ADGRV1: variants seen among roughly 807,000 people sequenced by gnomAD.
ADGRV1 encodes adhesion G protein-coupled receptor V1, also known as G-protein coupled receptor 98.
A neutral mutation model predicts 596.2 loss-of-function variants in ADGRV1; 359 were observed. The observed-to-expected ratio is 0.60, with a 90% CI of 0.55 to 0.66. The LOEUF is 0.66. Among genes scored for constraint, ADGRV1 ranks in the 30% least tolerant of loss-of-function variants. The pLI, the probability that ADGRV1 is intolerant of heterozygous loss-of-function variation, is 0.00. For synonymous variants in ADGRV1, 2,681 were observed against 2,679.2 expected (o/e 1.00, Z -0.02); for missense variants, 7,274 against 7,575.6 (o/e 0.96, Z 1.48).
intron 87 of ADGRV1, among the ~76,000 whole-genome samples, chr5:91,128,849 T>C (rs1793977276): frequency 6.6e-6 from 1 of 152,140 alleles, no homozygotes; most frequent in Non-Finnish European, 1.5e-5. Context: ...CACTGGGAAA[T>C]AAATGCTCTT....
At chr5:90,795,598 A>G (rs1760609443) in intron 70 of ADGRV1, among the ~76,000 whole-genome samples, 1 of 152,200 alleles carries the variant, frequency 6.6e-6, no homozygotes, top group Non-Finnish European at 1.5e-5. Context: ...TCCCTGCCTG[A>G]CGGCTCTGAA....
chr5:91,117,429 A>G (rs1249683784), intron 87 of ADGRV1, among the ~76,000 whole-genome samples: 1 of 152,164 alleles, frequency 6.6e-6, no homozygotes, highest in East Asian at 1.9e-4. Flanking sequence ...AGTGTTTATT[A>G]TGTGGAATTG....
chr5:90,636,880 A>G (rs6879160), intron 10 of ADGRV1, among the ~76,000 whole-genome samples: 1 of 152,122 alleles, frequency 6.6e-6, no homozygotes, highest in African/African-American at 2.4e-5. Context: ...GAATAGTGTA[A>G]TCTAGCATTA....
Position 90,690,947 on chromosome 5 carries a change from G to C in ADGRV1, c.6857G>C (p.Arg2286Pro). 1 of 1,613,836 alleles carries C rather than the reference G, an allele frequency of 6.2e-7. No homozygotes were observed. The highest frequency in any genetic ancestry group is 1.3e-5 in the African/African-American group (1 of 75,024). The stretch of plus-strand genomic sequence containing the variant: ...GGACAGCTTGCTACTGGCGACCTGC[G>C]AGTTGTCTCAGGTAATGTGACCTTT... The part of the protein sequence containing the change: ...INGQLATGDL[R>P]VVSGNVTFAP... Residue 2286 changes from arginine to proline, a missense_variant, in exon 31 of 90, where the codon CGA becomes CCA. Around this residue, in one of 5 missense-constraint regions of ADGRV1, gnomAD observed 3,643 missense variants for 3,809.2 expected, o/e 0.96. Coordinates refer to ENST00000405460, the MANE Select transcript of ADGRV1 (RefSeq NM_032119.4).
intron 42 of ADGRV1, among the ~76,000 whole-genome samples, chr5:90,714,099 A>G (rs1749759657): frequency 1.3e-5 from 2 of 152,168 alleles, no homozygotes; most frequent in Non-Finnish European, 2.9e-5. Context: ...CTTCTTTGTT[A>G]GTTACATTTC....
chr5:90,912,893 T>A (rs1018458066), intron 83 of ADGRV1, among the ~76,000 whole-genome samples: 8 of 152,202 alleles, frequency 5.3e-5, no homozygotes, highest in African/African-American at 1.9e-4. Context: ...TCAAAGTTAA[T>A]TAAGTCCACT....
chr5:90,915,566 AAATT>A lies in ADGRV1; in HGVS notation c.17857-49846_17857-49843del, dbSNP rs150403569. Among the ~76,000 whole-genome samples, 1,309 of 152,278 alleles carry A rather than the reference AAATT, an allele frequency of 8.6e-3. 19 individuals carry two copies. The highest frequency in any genetic ancestry group is 0.03 in the African/African-American group (1,250 of 41,574). On this transcript the variant is annotated intron_variant, in intron 83 of 89. Coordinates refer to ENST00000405460, the MANE Select transcript of ADGRV1 (RefSeq NM_032119.4). ...TTAGAAAGGCAAAAGGAGTCTGCAA[AAATT>A]AACGCTGATTGTGAGATTGGTGGAA...
chr5:90,810,412 C>CTT lies in ADGRV1; in HGVS notation c.15152_15153insTT (p.Leu5052TyrfsTer26). Reference sequence around the variant, plus strand: ...CAGACCACTGCAGGAAGCGCCAAGCCACTGGAAGATTTTGAGCCTGTTCAG... The same window carrying CTT: ...CAGACCACTGCAGGAAGCGCCAAGCCTTACTGGAAGATTTTGAGCCTGTTCAG... On this transcript the variant is annotated frameshift_variant, in exon 74 of 90. Transcript: ENST00000405460. LOFTEE classifies it high-confidence loss of function. 1.2e-6 allele frequency: 2 copies of CTT among 1,613,904 alleles called. No homozygotes were observed. The highest frequency in any genetic ancestry group is 1.1e-5 in the South Asian group (1 of 91,074).
intron 86 of ADGRV1, among the ~76,000 whole-genome samples, chr5:91,081,265 G>A (rs545608922): frequency 1.6e-4 from 25 of 152,190 alleles, no homozygotes; most frequent in Non-Finnish European, 2.8e-4. Context: ...ATTGCATTGG[G>A]AGTTAGGGCT....
chr5:90,652,278 A>G (rs558519306), intron 18 of ADGRV1, 68 bp from the exon 19 acceptor site: 247 of 1,120,220 alleles, frequency 2.2e-4, no homozygotes, highest in Non-Finnish European at 3.0e-4. Flanking sequence ...ATGTTTCCTT[A>G]ATAACACAGG....
intron 21 of ADGRV1, among the ~76,000 whole-genome samples, chr5:90,670,569 G>A (rs1422659796): frequency 2.0e-5 from 3 of 152,106 alleles, no homozygotes; most frequent in African/African-American, 7.3e-5. Context: ...CGTGAAATCA[G>A]AGTGAGGCTC....
Position 91,153,313 on chromosome 5 carries a change from G to C in ADGRV1, c.18717G>C (p.Pro6239=). The part of the protein sequence containing the change: ...KPSPQNGATF[P]SSGGYGQGSL... ...GTCCACAAAATGGAGCCACGTTCCC[G>C]TCCTCTGGAGGATATGGCCAGGGGT... Residue 6239 remains proline, a synonymous_variant, in exon 89 of 90, where the codon CCG becomes CCC. Coordinates refer to ENST00000405460, the MANE Select transcript of ADGRV1 (RefSeq NM_032119.4). 6.2e-7 allele frequency: 1 copy of C among 1,612,282 alleles called. No individual in the cohort carries two copies. Among genetic ancestry groups the C allele is most frequent in the South Asian group, 1.1e-5 (1 of 90,548 alleles).
chr5:90,684,063 C>G lies in ADGRV1; in HGVS notation c.6142C>G (p.Leu2048Val). Residue 2048 changes from leucine (L) to valine (V), a missense_variant, in exon 28 of 90, where the codon CTT becomes GTT. Around this residue, in one of 5 missense-constraint regions of ADGRV1, gnomAD observed 3,643 missense variants for 3,809.2 expected, o/e 0.96. Transcript: ENST00000405460. ...CTATATACCAGCTTCTGGATTTGCT[C>G]TTTTTGGAGCTAATCAGAGTGAGGC... ...RDYIPASGFALFGANQSEATI... is the reference protein window; with the variant it reads ...RDYIPASGFAVFGANQSEATI... 1.2e-6 allele frequency: 2 copies of G among 1,613,904 alleles called. No individual in the cohort carries two copies. The highest frequency in any genetic ancestry group is 1.7e-6 in the Non-Finnish European group (2 of 1,179,870).
chr5:90,596,208 C>T (rs1012448443), intron 1 of ADGRV1, among the ~76,000 whole-genome samples: 51 of 149,242 alleles, frequency 3.4e-4, no homozygotes, highest in African/African-American at 9.2e-4. Context: ...CGGGCAGAGA[C>T]GCTCCTCACT....
In ADGRV1 at chr5:90,651,713, A is replaced by G. The variant is rs747203954; in HGVS notation, c.3399A>G (p.Gly1133=). 3.1e-6 allele frequency: 5 copies of G among 1,611,844 alleles called. No individual in the cohort carries two copies. Among genetic ancestry groups the G allele is most frequent in the Non-Finnish European group, 4.2e-6 (5 of 1,178,372 alleles). The change falls in exon 18 of 90, where the codon GGA becomes GGG. Residue 1133 remains glycine (G), a synonymous_variant. Coordinates refer to ENST00000405460, the MANE Select transcript of ADGRV1 (RefSeq NM_032119.4). The stretch of plus-strand genomic sequence containing the variant: ...CCATAGACAAAGCAGTGGAAGAAGG[A>G]AAGACTAATGCATTTTGGTAAGCAT... ...LEPIDKAVEE[G]KTNAFWILRH...
rs531231014 is a variant in ADGRV1 at position 90,596,083 on chromosome 5, G to A, written c.23-18752G>A. Among the ~76,000 whole-genome samples the A allele has an allele frequency of 2.5e-4, 38 of 150,278 alleles. 1 individual carries two copies. The highest frequency in any genetic ancestry group is 3.5e-3 in the Middle Eastern group (1 of 284). On this transcript the variant is annotated intron_variant, in intron 1 of 89. Transcript: ENST00000405460. ...TCCTCACTTCTCAGACGGGGCGGCC[G>A]GGCAGAGACGCTCCTCAACTCCCAG...
Position 90,625,139 on chromosome 5 carries a change from G to A in ADGRV1, c.568G>A (p.Gly190Ser). ...TTGTGTTTCTTTGCAGGTAGAGGGT[G>A]GCCCAAATCCCCCTGATGAAGATTT... ...MVMVTFEVEG[G>S]PNPPDEDLSP... Residue 190 changes from glycine (G) to serine (S), a missense_variant, in exon 6 of 90, where the codon GGC (glycine) becomes AGC (serine). This residue lies in a region of ADGRV1 where 1,715 missense variants were observed against 1,708.8 expected (regional missense o/e 1.00). Transcript: ENST00000405460. 6.2e-7 allele frequency: 1 copy of A among 1,606,806 alleles called. No homozygotes were observed. Among genetic ancestry groups the A allele is most frequent in the Middle Eastern group, 1.7e-4 (1 of 6,046 alleles).
intron 61 of ADGRV1, among the ~76,000 whole-genome samples, chr5:90,777,368 A>G (rs1758357636): frequency 6.6e-6 from 1 of 152,138 alleles, no homozygotes; most frequent in Admixed American, 6.5e-5. Context: ...GAGCCAAACC[A>G]TATCAGGGCC....
intron 87 of ADGRV1, among the ~76,000 whole-genome samples, chr5:91,125,483 G>A (rs1192696088): frequency 6.6e-6 from 1 of 152,184 alleles, no homozygotes; most frequent in African/African-American, 2.4e-5. Context: ...CAATCCCTAA[G>A]GTCCATAGAG....
Sources: gnomAD v4.1 joint callset for allele counts (sites outside exome capture counted in the v4.1 genomes callset) on GRCh38, gnomAD v4.1.1 for gene constraint, gnomAD v4.1.1 regional missense constraint, MANE v1.5 for transcripts, NCBI Gene and HGNC (gene_info 2026-07-23, HGNC 2026-07-21) for gene names.